RBFOX1: variants seen among roughly 807,000 people sequenced by gnomAD.
RBFOX1 encodes the protein RNA binding fox-1 homolog 1, also known as RNA binding protein fox-1 homolog 1.
RBFOX1 carries 8 observed loss-of-function variants against 57.7 expected under a neutral mutation model. The observed-to-expected ratio is 0.14, with a 90% CI of 0.08 to 0.25. The LOEUF (loss-of-function observed/expected upper bound fraction) is 0.25. RBFOX1 is among the 10% of genes least tolerant of loss of function. The probability of loss-of-function intolerance (pLI) is 1.00; values close to 1 mark genes in which losing one functional copy is unlikely to be tolerated. For synonymous variants in RBFOX1, 326 were observed against 222.4 expected, an observed-to-expected ratio of 1.47 and a Z score of -4.15; for missense variants, 611 against 548.5, an observed-to-expected ratio of 1.11 and a Z score of -1.14.
intron 4 of RBFOX1, among the ~76,000 whole-genome samples, chr16:7,223,458 G>T (rs754693841): frequency 6.6e-6 from 1 of 152,090 alleles, no homozygotes; most frequent in Non-Finnish European, 1.5e-5. Context: ...TGACAAATTC[G>T]CATTGGTAAT....
intron 15 of RBFOX1, chr16:7,709,673 C>T (rs1421744839): frequency 2.0e-6 from 3 of 1,465,028 alleles, no homozygotes; most frequent in African/African-American, 1.5e-5. Flanking sequence ...GTACCTAGTA[C>T]ATAAGAAAGT....
intron 4 of RBFOX1, among the ~76,000 whole-genome samples, chr16:7,495,890 A>T (rs1477431272): frequency 2.1e-5 from 2 of 96,350 alleles, no homozygotes; most frequent in East Asian, 5.3e-4. Context: ...TCTCCATTCA[A>T]AGATACTAGA....
intron 2 of RBFOX1, among the ~76,000 whole-genome samples, chr16:5,495,298 T>C (rs1257126704): frequency 6.6e-6 from 1 of 152,094 alleles, no homozygotes. Flanking sequence ...TCCTCTAGAG[T>C]CTGCAGCGAT....
At chr16:6,310,603 C>A (rs369500477) in intron 1 of RBFOX1, among the ~76,000 whole-genome samples, 5 of 152,110 alleles carry the variant, frequency 3.3e-5, no homozygotes, top group African/African-American at 7.2e-5. Context: ...GCAGCTTGCC[C>A]AGAACTAATA....
At chr16:6,737,097 A>T (rs574258281) in intron 3 of RBFOX1, among the ~76,000 whole-genome samples, 6 of 152,202 alleles carry the variant, frequency 3.9e-5, no homozygotes, top group Admixed American at 2.0e-4. Flanking sequence ...ATCAGTTCTG[A>T]GTAAGATAGT....
intron 3 of RBFOX1, among the ~76,000 whole-genome samples, chr16:6,716,138 G>C (rs1416527944): frequency 6.6e-6 from 1 of 152,158 alleles, no homozygotes; most frequent in Non-Finnish European, 1.5e-5. Flanking sequence ...GAAAAATAGA[G>C]GGAACTTAGA....
intron 1 of RBFOX1, among the ~76,000 whole-genome samples, chr16:5,273,272 G>A (rs1302887865): frequency 2.0e-5 from 3 of 151,702 alleles, no homozygotes; most frequent in African/African-American, 7.3e-5. Context: ...TGCTTGGCAG[G>A]TTTCTGCTAA....
chr16:6,947,465 C>T (rs1312514913), intron 3 of RBFOX1, among the ~76,000 whole-genome samples: 1 of 152,182 alleles, frequency 6.6e-6, no homozygotes, highest in Non-Finnish European at 1.5e-5. Flanking sequence ...CGGCTGAGAA[C>T]ATATGTTCTT....
At chr16:7,546,328 AAAAAT>A (rs59260994) in intron 5 of RBFOX1, among the ~76,000 whole-genome samples, 4,870 of 148,524 alleles carry the variant, frequency 0.033, 298 homozygotes, top group East Asian at 0.16. Flanking sequence ...CTCCACCTCA[AAAAAT>A]AAAATAAAAT....
chr16:7,041,259 C>T (rs2153706860), intron 3 of RBFOX1, among the ~76,000 whole-genome samples: 1 of 151,978 alleles, frequency 6.6e-6, no homozygotes, highest in East Asian at 1.9e-4. Context: ...TATTGGAACA[C>T]AGTGGCACCC....
chr16:7,139,554 G>T (rs2073074760), intron 4 of RBFOX1, among the ~76,000 whole-genome samples: 1 of 152,114 alleles, frequency 6.6e-6, no homozygotes, highest in East Asian at 1.9e-4. Context: ...TATTATCTGT[G>T]CTGGATCAAG....
chr16:6,530,561 A>T (rs145308035), intron 2 of RBFOX1, among the ~76,000 whole-genome samples: 101 of 152,294 alleles, frequency 6.6e-4, no homozygotes, highest in African/African-American at 2.3e-3. Context: ...GTCTATTTTC[A>T]CGCTGCTGAT....
At chr16:7,003,681 A>G (rs986135977) in intron 3 of RBFOX1, among the ~76,000 whole-genome samples, 2 of 152,188 alleles carry the variant, frequency 1.3e-5, no homozygotes, top group Admixed American at 1.3e-4. Context: ...AACATAGGAA[A>G]GCTTAGTTGA....
intron 4 of RBFOX1, chr16:7,304,432 G>T: frequency 1.0e-6 from 1 of 985,390 alleles, no homozygotes; most frequent in Non-Finnish European, 1.2e-6. Flanking sequence ...GCTCCCCAAC[G>T]TGGGCATGTG....
At chr16:6,814,249 G>C (rs1194039103) in intron 3 of RBFOX1, among the ~76,000 whole-genome samples, 1 of 146,462 alleles carries the variant, frequency 6.8e-6, no homozygotes, top group East Asian at 2.0e-4. Context: ...GAAAATTGTG[G>C]TGGGGGGGAG....
At chr16:7,688,072 C>A (rs927227827) in intron 14 of RBFOX1, among the ~76,000 whole-genome samples, 3 of 151,974 alleles carry the variant, frequency 2.0e-5, no homozygotes, top group African/African-American at 7.2e-5. Flanking sequence ...AAACCTCTGC[C>A]TTATAAACAA....
At chr16:7,110,650 C>G (rs1283582429) in intron 4 of RBFOX1, among the ~76,000 whole-genome samples, 1 of 152,064 alleles carries the variant, frequency 6.6e-6, no homozygotes, top group African/African-American at 2.4e-5. Flanking sequence ...CATGAAGAAA[C>G]CTAAACCATA....
chr16:7,327,071 A>T (rs2096621061), intron 4 of RBFOX1, among the ~76,000 whole-genome samples: 1 of 152,220 alleles, frequency 6.6e-6, no homozygotes, highest in Admixed American at 6.5e-5. Flanking sequence ...TCTCTGAACC[A>T]AACACAATGC....
chr16:6,679,788 G>C (rs1244060199), intron 3 of RBFOX1, among the ~76,000 whole-genome samples: 3 of 150,468 alleles, frequency 2.0e-5, no homozygotes, highest in East Asian at 3.9e-4. Flanking sequence ...CTGTTTTCAA[G>C]TTCAGTTTGT....
Sources: gnomAD v4.1 joint callset for allele counts (sites outside exome capture counted in the v4.1 genomes callset) on GRCh38, gnomAD v4.1.1 for gene constraint, MANE v1.5 for transcripts, NCBI Gene and HGNC (gene_info 2026-07-23, HGNC 2026-07-21) for gene names.